Variants in HS3ST2 observed in about 807,000 individuals in gnomAD.
HS3ST2 encodes the protein heparan sulfate-glucosamine 3-sulfotransferase 2.
A neutral mutation model predicts 26.3 loss-of-function variants in HS3ST2; 17 were observed. The observed-to-expected ratio is 0.65, with a 90% CI of 0.44 to 0.97. HS3ST2 has a LOEUF of 0.97. Among genes scored for constraint, HS3ST2 ranks in the 50% least tolerant of loss-of-function variants. HS3ST2 has a pLI of 0.00. For synonymous variants in HS3ST2, 237 were observed against 219.2 expected (o/e 1.08, Z -0.72); for missense variants, 402 against 501.2 (o/e 0.80, Z 1.89).
intron 1 of HS3ST2, among the ~76,000 whole-genome samples, chr16:22,890,735 G>T (rs1453620629): frequency 6.6e-6 from 1 of 152,186 alleles, no homozygotes; most frequent in Non-Finnish European, 1.5e-5. Flanking sequence ...CAGGAGGTGG[G>T]CAAGTAGAAT....
At chr16:22,840,140 C>T (rs1901330863) in intron 1 of HS3ST2, among the ~76,000 whole-genome samples, 2 of 152,326 alleles carry the variant, frequency 1.3e-5, no homozygotes, top group South Asian at 4.1e-4. Context: ...TGGTGACAGG[C>T]ACCTGACTTA....
intron 1 of HS3ST2, among the ~76,000 whole-genome samples, chr16:22,838,592 T>C (rs1441120187): frequency 1.3e-5 from 2 of 152,290 alleles, no homozygotes; most frequent in East Asian, 3.9e-4. Context: ...AGCTATCGAT[T>C]AGGTGTCCAC....
intron 1 of HS3ST2, among the ~76,000 whole-genome samples, chr16:22,830,163 A>G (rs1319027209): frequency 1.3e-5 from 2 of 150,122 alleles, no homozygotes; most frequent in Non-Finnish European, 3.0e-5. Context: ...TCTCTGTAGG[A>G]TAGAAGCTCT....
At chr16:22,871,828 T>C (rs574652704) in intron 1 of HS3ST2, among the ~76,000 whole-genome samples, 1 of 152,282 alleles carries the variant, frequency 6.6e-6, no homozygotes, top group South Asian at 2.1e-4. Context: ...AGTAACACCT[T>C]TTGGGTTAGA....
At chr16:22,876,144 G>A (rs1901913014) in intron 1 of HS3ST2, among the ~76,000 whole-genome samples, 1 of 152,046 alleles carries the variant, frequency 6.6e-6, no homozygotes, top group Non-Finnish European at 1.5e-5. Context: ...AAAACCAGTC[G>A]AGTCAAGAGT....
At chr16:22,845,057 T>C (rs1173472723) in intron 1 of HS3ST2, among the ~76,000 whole-genome samples, 1 of 148,102 alleles carries the variant, frequency 6.8e-6, no homozygotes, top group East Asian at 2.0e-4. Context: ...GATTTCACTG[T>C]GTTAGTTAGG....
chr16:22,876,796 G>T (rs1901925766), intron 1 of HS3ST2, among the ~76,000 whole-genome samples: 1 of 152,180 alleles, frequency 6.6e-6, no homozygotes, highest in African/African-American at 2.4e-5. Context: ...ATACTACTCA[G>T]CCATAAAAAG....
chr16:22,838,646 T>C (rs1278057029), intron 1 of HS3ST2, among the ~76,000 whole-genome samples: 1 of 152,044 alleles, frequency 6.6e-6, no homozygotes, highest in Non-Finnish European at 1.5e-5. Flanking sequence ...GCTGCATTTA[T>C]GAAAGGGCAG....
In HS3ST2 at chr16:22,814,781, C is replaced by G; in HGVS notation, c.171C>G (p.Arg57=). The G allele has an allele frequency of 6.3e-7, 1 of 1,599,918 alleles. No individual in the cohort carries two copies. The highest frequency in any genetic ancestry group is 1.3e-5 in the African/African-American group (1 of 74,720). ...TCCTCGGCGCGCCTCGCTGCCTCCG[C>G]GGCCCCAGCGCGGGCGGCCAGAAAC... ...SRLLGAPRCL[R]GPSAGGQKLL... is the part of the protein sequence containing the mutation. The change falls in exon 1 of 2, where the codon CGC becomes CGG. Residue 57 remains arginine (R), a synonymous_variant. Coordinates refer to ENST00000261374, the MANE Select transcript of HS3ST2 (RefSeq NM_006043.2).
chr16:22,865,615 T>G (rs1901740329), intron 1 of HS3ST2, among the ~76,000 whole-genome samples: 1 of 152,136 alleles, frequency 6.6e-6, no homozygotes, highest in Non-Finnish European at 1.5e-5. Context: ...TCATCAAGTC[T>G]TCAAGGAACC....
At chr16:22,849,931 C>T (rs760690391) in intron 1 of HS3ST2, among the ~76,000 whole-genome samples, 8 of 152,218 alleles carry the variant, frequency 5.3e-5, no homozygotes, top group Non-Finnish European at 1.2e-4. Flanking sequence ...GAAGGGATAA[C>T]TGTAGCTAGG....
chr16:22,876,649 A>G (rs1464127218), intron 1 of HS3ST2, among the ~76,000 whole-genome samples: 2 of 152,188 alleles, frequency 1.3e-5, no homozygotes, highest in African/African-American at 4.8e-5. Flanking sequence ...AGAGAAAAAG[A>G]AGTCATCATA....
At chr16:22,824,833 G>A (rs1901059122) in intron 1 of HS3ST2, among the ~76,000 whole-genome samples, 1 of 152,152 alleles carries the variant, frequency 6.6e-6, no homozygotes, top group South Asian at 2.1e-4. Context: ...AAGGGAGATG[G>A]CTTTCTTCCA....
intron 1 of HS3ST2, among the ~76,000 whole-genome samples, chr16:22,871,591 T>C (rs1168497053): frequency 6.6e-6 from 1 of 152,220 alleles, no homozygotes. Context: ...CACCTTACTG[T>C]CTGTATCCCC....
At chr16:22,897,962 A>T (rs1009865475) in intron 1 of HS3ST2, among the ~76,000 whole-genome samples, 7 of 152,244 alleles carry the variant, frequency 4.6e-5, no homozygotes, top group Admixed American at 2.6e-4. Flanking sequence ...TCATCCGTGA[A>T]TCACTTGTGA....
chr16:22,863,375 C>G (rs116080454), intron 1 of HS3ST2, among the ~76,000 whole-genome samples: 1,921 of 152,350 alleles, frequency 0.013, 26 homozygotes, highest in African/African-American at 0.044. Flanking sequence ...CCTCAAAAAC[C>G]TACCTGGCCA....
At chr16:22,903,228 T>C (rs1441299789) in intron 1 of HS3ST2, among the ~76,000 whole-genome samples, 2 of 152,234 alleles carry the variant, frequency 1.3e-5, no homozygotes, top group Non-Finnish European at 1.5e-5. Flanking sequence ...TGATTTACTT[T>C]AGTTCTCTGT....
intron 1 of HS3ST2, among the ~76,000 whole-genome samples, chr16:22,895,538 A>G (rs1902199295): frequency 6.6e-6 from 1 of 151,604 alleles, no homozygotes; most frequent in South Asian, 2.1e-4. Flanking sequence ...TCACCTCTCC[A>G]TTTTCATATA....
Position 22,915,813 on chromosome 16 carries a change from C to T in HS3ST2, c.*251C>T. 3.9e-6 allele frequency: 2 copies of T among 515,300 alleles called. No homozygotes were observed. Among genetic ancestry groups the T allele is most frequent in the Non-Finnish European group, 6.8e-6 (2 of 292,244 alleles). The allele number at this position is 515,300 out of a possible 1,614,324, so 31.9% of individuals were successfully genotyped here. ...ACGTCCAGTAAATTCCAGAATCATT[C>T]TCCTTTCTGCCCATAAAGGGCCTTG... On this transcript the variant is annotated 3_prime_UTR_variant, in exon 2 of 2. Coordinates refer to ENST00000261374, the MANE Select transcript of HS3ST2 (RefSeq NM_006043.2).
Sources: gnomAD v4.1 joint callset for allele counts (sites outside exome capture counted in the v4.1 genomes callset) on GRCh38, gnomAD v4.1.1 for gene constraint, MANE v1.5 for transcripts, NCBI Gene and HGNC (gene_info 2026-07-23, HGNC 2026-07-21) for gene names.